MMP16: variants seen among roughly 807,000 people sequenced by gnomAD.
MMP16 encodes the protein matrix metallopeptidase 16, also known as matrix metalloproteinase-16.
Under a neutral mutation model 67.8 loss-of-function variants are expected in MMP16, and 12 were observed. That is an observed-to-expected ratio of 0.18 (90% CI 0.11 to 0.29). MMP16 has a LOEUF of 0.29. MMP16 is among the 10% of genes least tolerant of loss of function. The probability of loss-of-function intolerance (pLI) is 1.00; values close to 1 mark genes in which losing one functional copy is unlikely to be tolerated. For synonymous variants in MMP16, 249 were observed against 255.9 expected (o/e 0.97, Z 0.26); for missense variants, 475 against 765.7 (o/e 0.62, Z 4.48).
At chr8:88,067,753 C>CA (rs2118256698) in intron 7 of MMP16, among the ~76,000 whole-genome samples, 1 of 152,250 alleles carries the variant, frequency 6.6e-6, no homozygotes, top group South Asian at 2.1e-4. Context: ...ATCAGTACTT[C>CA]ATTCCTTTTT....
At chr8:88,181,347 A>C (rs913855740) in intron 3 of MMP16, among the ~76,000 whole-genome samples, 1 of 152,184 alleles carries the variant, frequency 6.6e-6, no homozygotes, top group Non-Finnish European at 1.5e-5. Flanking sequence ...TGCAGGATAC[A>C]AGGTTAATAT....
At position 88,154,072 on chromosome 8, in the gene MMP16, T is replaced by C. The variant is rs1308309346; in HGVS notation, c.709+13597A>G. Among the ~76,000 whole-genome samples the C allele has an allele frequency of 9.3e-4, 134 of 143,980 alleles. 1 individual carries two copies. Among genetic ancestry groups the C allele is most frequent in the African/African-American group, 3.4e-3 (130 of 38,716 alleles). The allele number at this position is 143,980 out of a possible 152,430, so 94.5% of individuals were successfully genotyped here. On this transcript the variant is annotated intron_variant, in intron 4 of 9. Transcript: ENST00000286614. ...GTGGGCAAAGGACATGAACAGACAC[T>C]TCTCAAAAGAAGACATTTATGCAGC...
chr8:88,316,347 G>A (rs534502163), intron 1 of MMP16, among the ~76,000 whole-genome samples: 1 of 152,276 alleles, frequency 6.6e-6, no homozygotes, highest in East Asian at 1.9e-4. Context: ...GTCAGTGCCT[G>A]GCATCAGAGC....
chr8:88,143,377 C>T (rs112334803), intron 4 of MMP16, among the ~76,000 whole-genome samples: 6 of 152,098 alleles, frequency 3.9e-5, no homozygotes, highest in Middle Eastern at 6.8e-3. Context: ...TATTTTCTTC[C>T]GTATCTTCAG....
rs73290619 is a variant in MMP16, at chr8:88,245,795, T to G, written c.133-48489A>C. Among the ~76,000 whole-genome samples the G allele has an allele frequency of 2.7e-3, 414 of 152,254 alleles. 4 individuals are homozygous for G. Among genetic ancestry groups the G allele is most frequent in the African/African-American group, 9.3e-3 (385 of 41,562 alleles). ...AAATGTGACAATATCAAGGTGTGCC[T>G]TTGGAGAAAAGTGATGCACATTCCC... On this transcript the variant is annotated intron_variant, in intron 1 of 9. Coordinates refer to ENST00000286614, the MANE Select transcript of MMP16 (RefSeq NM_005941.5).
intron 3 of MMP16, among the ~76,000 whole-genome samples, chr8:88,181,048 C>A (rs1808972799): frequency 6.6e-6 from 1 of 152,032 alleles, no homozygotes; most frequent in African/African-American, 2.4e-5. Flanking sequence ...ATTTGATGAA[C>A]AACATCTAGT....
At chr8:88,273,270 T>C (rs1810595532) in intron 1 of MMP16, among the ~76,000 whole-genome samples, 1 of 151,412 alleles carries the variant, frequency 6.6e-6, no homozygotes, top group African/African-American at 2.4e-5. Flanking sequence ...TTTTGTATTT[T>C]TAGTAGAGAT....
At chr8:88,253,815 G>C (rs941175775) in intron 1 of MMP16, among the ~76,000 whole-genome samples, 8 of 151,900 alleles carry the variant, frequency 5.3e-5, no homozygotes, top group African/African-American at 1.9e-4. Context: ...TCATTTTAAT[G>C]CAAACTAATG....
At chr8:88,060,796 T>C (rs762577249) in intron 7 of MMP16, among the ~76,000 whole-genome samples, 6 of 151,982 alleles carry the variant, frequency 3.9e-5, no homozygotes, top group Non-Finnish European at 8.8e-5. Context: ...TCATGTATAG[T>C]GTTTGGAAAG....
Position 88,138,589 on chromosome 8 carries a change from A to G in MMP16, c.710-19728T>C, listed in dbSNP as rs1208018122. Among the ~76,000 whole-genome samples the G allele has an allele frequency of 2.0e-5, 3 of 151,986 alleles. No homozygotes were observed. In the East Asian group the frequency reaches 5.8e-4, roughly 30 times the overall value. On this transcript the variant is annotated intron_variant, in intron 4 of 9. Coordinates refer to ENST00000286614, the MANE Select transcript of MMP16 (RefSeq NM_005941.5). ...ATCGTGGCTTCCTTCATGGCCTCAC[A>G]CTCCAATTTGTTGTCTCCTTATCTC... is the stretch of plus-strand genomic sequence containing the variant.
intron 1 of MMP16, among the ~76,000 whole-genome samples, chr8:88,255,181 G>A (rs1810282695): frequency 6.6e-6 from 1 of 152,094 alleles, no homozygotes; most frequent in Non-Finnish European, 1.5e-5. Flanking sequence ...CCTCCCCATG[G>A]TAATGAGTGA....
chr8:88,145,035 G>A (rs1395143433), intron 4 of MMP16, among the ~76,000 whole-genome samples: 1 of 151,954 alleles, frequency 6.6e-6, no homozygotes, highest in Admixed American at 6.6e-5. Context: ...ACCCGCAATT[G>A]CCTGTAGAGT....
chr8:88,269,969 GTTTCT>G (rs1467686500), intron 1 of MMP16, among the ~76,000 whole-genome samples: 1 of 152,062 alleles, frequency 6.6e-6, no homozygotes, highest in Non-Finnish European at 1.5e-5. Flanking sequence ...TTTACCTTTT[GTTTCT>G]TTTATTTAGT....
intron 6 of MMP16, among the ~76,000 whole-genome samples, chr8:88,099,393 C>T (rs1045436679): frequency 6.6e-6 from 1 of 151,682 alleles, no homozygotes; most frequent in Non-Finnish European, 1.5e-5. Context: ...TGACTTAATA[C>T]AATTTAAAAC....
chr8:88,088,956 A>G (rs1808889258), intron 6 of MMP16, among the ~76,000 whole-genome samples: 1 of 152,116 alleles, frequency 6.6e-6, no homozygotes, highest in East Asian at 1.9e-4. Context: ...AAGTTTCCTA[A>G]TCATTCAGCA....
At chr8:88,302,853 G>C (rs559729409) in intron 1 of MMP16, among the ~76,000 whole-genome samples, 3 of 152,126 alleles carry the variant, frequency 2.0e-5, no homozygotes, top group Non-Finnish European at 4.4e-5. Flanking sequence ...CAAATAGCTC[G>C]ACCCATAGAG....
At chr8:88,263,482 G>A (rs1017016957) in intron 1 of MMP16, among the ~76,000 whole-genome samples, 2 of 152,120 alleles carry the variant, frequency 1.3e-5, no homozygotes, top group Non-Finnish European at 2.9e-5. Flanking sequence ...ATCACAGACT[G>A]GGTGGCTTAA....
chr8:88,190,612 T>C (rs569979107), intron 2 of MMP16, among the ~76,000 whole-genome samples: 1 of 152,286 alleles, frequency 6.6e-6, no homozygotes, highest in South Asian at 2.1e-4. Context: ...CACCAAAATG[T>C]TAGTAGCATT....
chr8:88,258,405 G>A (rs1810338189), intron 1 of MMP16, among the ~76,000 whole-genome samples: 1 of 152,182 alleles, frequency 6.6e-6, no homozygotes, highest in Non-Finnish European at 1.5e-5. Context: ...TGAGTCGGCT[G>A]TAAGGCATAC....
Sources: gnomAD v4.1 joint callset for allele counts (sites outside exome capture counted in the v4.1 genomes callset) on GRCh38, gnomAD v4.1.1 for gene constraint, MANE v1.5 for transcripts, NCBI Gene and HGNC (gene_info 2026-07-23, HGNC 2026-07-21) for gene names.